Variants in FYCO1 observed in about 807,000 individuals in gnomAD.
The protein encoded by FYCO1 is FYVE and coiled-coil domain-containing protein 1.
A neutral mutation model predicts 165.1 loss-of-function variants in FYCO1; 122 were observed. That is an observed-to-expected ratio of 0.74 (90% CI 0.64 to 0.86). The LOEUF (loss-of-function observed/expected upper bound fraction) is 0.86. FYCO1 is among the 40% of genes least tolerant of loss of function. The pLI is 0.00. For missense variants in FYCO1, 1,702 were observed against 1,810.3 expected, an observed-to-expected ratio of 0.94 and a Z score of 1.09; for synonymous variants, 648 against 742.5, an observed-to-expected ratio of 0.87 and a Z score of 2.07.
rs1707232545 is a variant in FYCO1, at chr3:45,984,749, CGTT to C, written c.55+104_55+106del. On this transcript the variant is annotated intron_variant, in intron 2 of 17. Transcript: ENST00000296137. ...ATGTGACCTGAGGACTCCAATTACT[CGTT>C]GTGTGAACAAAAATGAAAGGGTTGA... 7 of 1,139,114 alleles carry C rather than the reference CGTT, an allele frequency of 6.1e-6. No homozygotes were observed. In the Admixed American group the frequency reaches 6.9e-5, roughly 11 times the overall value. 70.6% of individuals were successfully genotyped at this position (1,139,114 alleles called of 1,614,324 possible). A position where few individuals can be genotyped will look rare whatever the true frequency, so the allele number is the denominator to read the frequency against.
intron 13 of FYCO1, among the ~76,000 whole-genome samples, chr3:45,956,130 G>A (rs1705301881): frequency 6.6e-6 from 1 of 152,092 alleles, no homozygotes; most frequent in African/African-American, 2.4e-5. Context: ...GAGGCCAGGA[G>A]TTCAGTACCA....
Position 45,966,457 on chromosome 3 carries a change from C to G in FYCO1, c.2877G>C (p.Glu959Asp), listed in dbSNP as rs535635009. The change falls in exon 8 of 18, where the codon GAG (glutamate) becomes GAC (aspartate). Residue 959 changes from glutamate (E) to aspartate (D), a missense_variant. Coordinates refer to ENST00000296137, the MANE Select transcript of FYCO1 (RefSeq NM_024513.4). ...RQVAGLQQEKESLQEKLKAAK... is the reference protein window; with the variant it reads ...RQVAGLQQEKDSLQEKLKAAK... Reference sequence around the variant, plus strand: ...CCGCCTTCAGCTTCTCCTGCAAGCTCTCCTTCTCTTGCTGCAGCCCAGCTA... The same window carrying G: ...CCGCCTTCAGCTTCTCCTGCAAGCTGTCCTTCTCTTGCTGCAGCCCAGCTA... 2.4e-5 allele frequency: 38 copies of G among 1,611,204 alleles called. No individual in the cohort carries two copies. The South Asian group carries it at 3.8e-4, about 16-fold the overall frequency.
intron 17 of FYCO1, among the ~76,000 whole-genome samples, chr3:45,922,049 G>A (rs1703114224): frequency 6.6e-6 from 1 of 152,178 alleles, no homozygotes; most frequent in African/African-American, 2.4e-5. Context: ...CTCTCCTGAG[G>A]CTTGGGTGCA....
At chr3:45,935,279 T>C (rs1703833191) in intron 15 of FYCO1, among the ~76,000 whole-genome samples, 1 of 152,224 alleles carries the variant, frequency 6.6e-6, no homozygotes, top group Non-Finnish European at 1.5e-5. Flanking sequence ...ATCTATTCTC[T>C]ACATGGCAAT....
chr3:45,949,631 C>T (rs56239523), intron 14 of FYCO1, among the ~76,000 whole-genome samples: 13,749 of 152,212 alleles, frequency 0.09, 2,158 homozygotes, highest in African/African-American at 0.32. Context: ...AAGGCCTTCC[C>T]TCCTGGGGTG....
chr3:45,959,502 A>G lies in FYCO1; in HGVS notation c.3478T>C (p.Phe1160Leu), dbSNP rs778312217. The change falls in exon 12 of 18, where the codon TTC (phenylalanine) becomes CTC (leucine). Residue 1160 changes from phenylalanine to leucine, a missense_variant. Physicochemically the swap from Phe to Leu is conservative, Grantham distance 22. Transcript: ENST00000296137. ...ALWQKSDALEFQQKLSAEERW... is the reference protein window; with the variant it reads ...ALWQKSDALELQQKLSAEERW... ...TCCTCAGCACTGAGCTTCTGCTGGA[A>G]TTCCAGGGCATCTGACTTCTGCCAG... The G allele has an allele frequency of 6.2e-7, 1 of 1,614,192 alleles. No homozygotes were observed. The highest frequency in any genetic ancestry group is 8.5e-7 in the Non-Finnish European group (1 of 1,180,040).
intron 4 of FYCO1, among the ~76,000 whole-genome samples, chr3:45,978,383 A>G (rs1706874092): frequency 6.6e-6 from 1 of 152,166 alleles, no homozygotes; most frequent in African/African-American, 2.4e-5. Context: ...ACTCATCCAC[A>G]CTAACATGGA....
chr3:45,964,662 T>C lies in FYCO1; in HGVS notation c.3151-208A>G. ...GTTGTGGTGGTTGGCAAGTGGCAGG[T>C]ACCAGAATTCCCAGGGTAACACTGA... On this transcript the variant is annotated intron_variant, in intron 9 of 17. Transcript: ENST00000296137. The surrounding 1 kb of genome is among the most constrained non-coding windows in gnomAD (Gnocchi z 4.1). 1 of 536,500 alleles carries C rather than the reference T, an allele frequency of 1.9e-6. No individual in the cohort carries two copies. Among genetic ancestry groups the C allele is most frequent in the Non-Finnish European group, 2.4e-6 (1 of 419,730 alleles). The allele number at this position is 536,500 out of a possible 1,614,324, so 33.2% of individuals were successfully genotyped here.
Position 45,966,355 on chromosome 3 carries a change from T to C in FYCO1, c.2979A>G (p.Gln993=), listed in dbSNP as rs1394330423. ...TGTTGAGCTCCTGGTGTGCAGCCTC[T>C]TGGAGGCTCTGGGCCCGCTGCTCTG... ...AQAEQRAQSL[Q]EAAHQELNTL... The change falls in exon 8 of 18, where the codon CAA becomes CAG. Residue 993 remains glutamine (Q), a synonymous_variant. Coordinates refer to ENST00000296137, the MANE Select transcript of FYCO1 (RefSeq NM_024513.4). The C allele has an allele frequency of 6.2e-7, 1 of 1,614,140 alleles. No individual in the cohort carries two copies. The highest frequency in any genetic ancestry group is 1.1e-5 in the South Asian group (1 of 91,088).
chr3:45,952,289 G>A (rs576917156), intron 14 of FYCO1, among the ~76,000 whole-genome samples: 1 of 152,114 alleles, frequency 6.6e-6, no homozygotes, highest in East Asian at 1.9e-4. Context: ...CCTTGGATTT[G>A]CTTATTTTTT....
At position 45,959,429 on chromosome 3, in the gene FYCO1, C is replaced by T. The variant is rs752252773; in HGVS notation, c.3551G>A (p.Arg1184Gln). 1.6e-5 allele frequency: 26 copies of T among 1,613,966 alleles called. No individual in the cohort carries two copies. The highest frequency in any genetic ancestry group is 6.7e-5 in the African/African-American group (5 of 74,928). Residue 1184 changes from arginine (R) to glutamine (Q), a missense_variant, in exon 12 of 18, where the codon CGG (arginine) becomes CAG (glutamine). By Grantham distance (43) the Arg-to-Gln change is conservative. Transcript: ENST00000296137. ...CCGCCGCACCATCCAGCTGAACTCC[C>T]GCTTACAGTCGAGGCAGTGGTTTGC... ...TEANHCLDCK[R>Q]EFSWMVRRHH...
intron 11 of FYCO1, 98 bp from the exon 12 acceptor site, chr3:45,959,640 G>A (rs1354507567): frequency 7.7e-7 from 1 of 1,295,702 alleles, no homozygotes; most frequent in African/African-American, 1.4e-5. Flanking sequence ...AATTTCCTAA[G>A]TCATAGAAAG....
chr3:45,979,018 G>A (rs1049115643), intron 4 of FYCO1, among the ~76,000 whole-genome samples: 23 of 151,858 alleles, frequency 1.5e-4, no homozygotes, highest in Admixed American at 2.0e-4. Context: ...CACCACGCCT[G>A]GCTAATTTTT....
intron 14 of FYCO1, chr3:45,946,553 A>T (rs1165091717): frequency 1.2e-6 from 2 of 1,614,100 alleles, no homozygotes; most frequent in African/African-American, 2.7e-5. Flanking sequence ...AGGAGCATCA[A>T]GACTTCCTGC....
At position 45,993,965 on chromosome 3, in the gene FYCO1, T is replaced by A. The variant is rs1160700263; in HGVS notation, c.-113+1757A>T. On this transcript the variant is annotated intron_variant, in intron 1 of 17. Transcript: ENST00000296137. The surrounding 1 kb of genome is among the most constrained non-coding windows in gnomAD (Gnocchi z 4.4). Reference sequence around the variant, plus strand: ...TTTCTTGCGTACCTACTTTGTATTCTTGAGTCAGCAGTCCATAGCCTTGGT... The same window carrying A: ...TTTCTTGCGTACCTACTTTGTATTCATGAGTCAGCAGTCCATAGCCTTGGT... Among the ~76,000 whole-genome samples the A allele has an allele frequency of 6.6e-6, 1 of 152,248 alleles. No individual in the cohort carries two copies. The highest frequency in any genetic ancestry group is 1.5e-5 in the Non-Finnish European group (1 of 68,038).
Position 45,967,034 on chromosome 3 carries a change from A to C in FYCO1, c.2300T>G (p.Leu767Arg). ...GPPTDNEARELAAQLALSQAQ... is the reference protein window; with the variant it reads ...GPPTDNEARERAAQLALSQAQ... Reference sequence around the variant, plus strand: ...CTGAGACAGGGCTAGCTGGGCAGCCAGCTCACGGGCTTCATTGTCAGTGGG... The same window carrying C: ...CTGAGACAGGGCTAGCTGGGCAGCCCGCTCACGGGCTTCATTGTCAGTGGG... The change falls in exon 8 of 18, where the codon CTG becomes CGG. Residue 767 changes from leucine (L) to arginine (R), a missense_variant. Coordinates refer to ENST00000296137, the MANE Select transcript of FYCO1 (RefSeq NM_024513.4). The C allele has an allele frequency of 6.2e-7, 1 of 1,613,464 alleles. No homozygotes were observed. Among genetic ancestry groups the C allele is most frequent in the Admixed American group, 1.7e-5 (1 of 60,034 alleles).
rs1702997211 is a variant in FYCO1 at position 45,918,836 on chromosome 3, C to T, written c.*2929G>A. On this transcript the variant is annotated 3_prime_UTR_variant, in exon 18 of 18. Transcript: ENST00000296137. Reference sequence around the variant, plus strand: ...GTCTTTGCCTGCTCTTGGTCCAGTCCACCTGGAATCCAGTGTGTTGAGGTC... The same window carrying T: ...GTCTTTGCCTGCTCTTGGTCCAGTCTACCTGGAATCCAGTGTGTTGAGGTC... 6.6e-6 allele frequency: 1 copy of T among 152,166 alleles called. No individual in the cohort carries two copies. The highest frequency in any genetic ancestry group is 2.4e-5 in the African/African-American group (1 of 41,434). The allele number at this position is 152,166 out of a possible 1,614,324, so 9.4% of individuals were successfully genotyped here.
chr3:45,977,346 A>C (rs1706808986), intron 4 of FYCO1, among the ~76,000 whole-genome samples: 1 of 71,006 alleles, frequency 1.4e-5, no homozygotes, highest in African/African-American at 4.4e-5. Context: ...CATTAACTGA[A>C]TTAAATATAT....
At position 45,975,348 on chromosome 3, in the gene FYCO1, G is replaced by A. The variant is rs372180748; in HGVS notation, c.289-3C>T. 1.4e-5 allele frequency: 22 copies of A among 1,610,660 alleles called. No homozygotes were observed. In the African/African-American group the frequency reaches 2.1e-4, roughly 16 times the overall value. On this transcript the variant is annotated splice_polypyrimidine_tract_variant and splice_region_variant and intron_variant, in intron 4 of 17. Coordinates refer to ENST00000296137, the MANE Select transcript of FYCO1 (RefSeq NM_024513.4). ...CCTTTCCCCAAGGATGTTCGGAGCTGGAAAAAGCAGATTACATAGAGCCAA... is the reference window on the plus strand; with the variant it reads ...CCTTTCCCCAAGGATGTTCGGAGCTAGAAAAAGCAGATTACATAGAGCCAA...
Sources: allele counts gnomAD v4.1 joint callset (sites outside exome capture counted in the v4.1 genomes callset), GRCh38; gene constraint gnomAD v4.1.1; non-coding constraint Gnocchi (gnomAD v3.1); transcripts MANE v1.5; gene names NCBI Gene and HGNC (gene_info 2026-07-23, HGNC 2026-07-21).